KBTBD11: variants seen among roughly 807,000 people sequenced by gnomAD.
The protein encoded by KBTBD11 is kelch repeat and BTB domain-containing protein 11.
For missense variants in KBTBD11, 1,390 were observed against 1,001.8 expected (o/e 1.39, Z -5.23); for synonymous variants, 747 against 499.0 (o/e 1.50, Z -6.63).
At position 2,001,939 on chromosome 8, in the gene KBTBD11, C is replaced by T. The variant is rs200861095; in HGVS notation, c.747C>T (p.Asn249=). 2.1e-4 allele frequency: 313 copies of T among 1,471,290 alleles called. 1 individual carries two copies. Among genetic ancestry groups the T allele is most frequent in the Non-Finnish European group, 2.7e-4 (304 of 1,108,072 alleles). 91.1% of individuals were successfully genotyped at this position (1,471,290 alleles called of 1,614,324 possible). A position where few individuals can be genotyped will look rare whatever the true frequency, so the allele number is the denominator to read the frequency against. ...GCGCGGCCAAGCGGCAGCGGCTGAACGAGCTGCGCGACGCCGCCTACTGCT... is the reference window on the plus strand; with the variant it reads ...GCGCGGCCAAGCGGCAGCGGCTGAATGAGCTGCGCGACGCCGCCTACTGCT... The part of the protein sequence containing the change: ...VLSAAKRQRL[N]ELRDAAYCFM... The change falls in exon 2 of 2, where the codon AAC becomes AAT. Residue 249 remains asparagine, a synonymous_variant. Transcript: ENST00000320248.
rs143039811 is a variant in KBTBD11, at chr8:1,999,843, C to A, written c.-908-442C>A. ...GAAACACTGAAAGAAAACTTGTGAT[C>A]TGTTAATAAATTAATAAAATCACAC... On this transcript the variant is annotated intron_variant, in intron 1 of 1. Coordinates refer to ENST00000320248, the MANE Select transcript of KBTBD11 (RefSeq NM_014867.3). 6.7e-4 allele frequency among the ~76,000 whole-genome samples: 102 copies of A among 152,316 alleles called. No homozygotes were observed. In the East Asian group the frequency reaches 0.016, roughly 23 times the overall value.
chr8:1,993,914 A>G (rs1817030308), intron 1 of KBTBD11, among the ~76,000 whole-genome samples: 1 of 70,392 alleles, frequency 1.4e-5, no homozygotes, highest in Non-Finnish European at 3.4e-5. Context: ...TGAATACACA[A>G]TACCCCCTAC....
chr8:2,006,304 G>A lies in KBTBD11; in HGVS notation c.*3240G>A, dbSNP rs574561021. 1 of 167,166 alleles carries A rather than the reference G, an allele frequency of 6.0e-6. No individual in the cohort carries two copies. The highest frequency in any genetic ancestry group is 6.5e-5 in the Admixed American group (1 of 15,300). The allele number at this position is 167,166 out of a possible 1,614,324, so 10.4% of individuals were successfully genotyped here. A position where few individuals can be genotyped will look rare whatever the true frequency, so the allele number is the denominator to read the frequency against. ...CAACGTTCTTTTGTCTTTTGCTGAAGTCAGGATAGATTCAAGACATAATCT... is the reference window on the plus strand; with the variant it reads ...CAACGTTCTTTTGTCTTTTGCTGAAATCAGGATAGATTCAAGACATAATCT... On this transcript the variant is annotated 3_prime_UTR_variant, in exon 2 of 2. Coordinates refer to ENST00000320248, the MANE Select transcript of KBTBD11 (RefSeq NM_014867.3).
Position 1,981,105 on chromosome 8 carries a change from C to A in KBTBD11, c.-909+7170C>A, listed in dbSNP as rs996682013. ...TGTCAGTGAATTTCATAGCAGAAAC[C>A]TAACAGGCCAAGAGAGAGTAGGGTG... On this transcript the variant is annotated intron_variant, in intron 1 of 1. Coordinates refer to ENST00000320248, the MANE Select transcript of KBTBD11 (RefSeq NM_014867.3). Among the ~76,000 whole-genome samples the A allele has an allele frequency of 5.3e-5, 8 of 152,138 alleles. No individual in the cohort carries two copies. The South Asian group carries it at 1.5e-3, about 28-fold the overall frequency.
intron 1 of KBTBD11, chr8:1,976,620 G>T (rs1462757243): frequency 2.6e-5 from 4 of 151,772 alleles, no homozygotes; most frequent in African/African-American, 9.7e-5. Context: ...GAATACAGTT[G>T]TAAGTAAAGT....
intron 1 of KBTBD11, 154 bp downstream of exon 1, chr8:1,974,089 C>T: frequency 5.8e-6 from 1 of 171,744 alleles, no homozygotes; most frequent in Non-Finnish European, 8.5e-6. Context: ...AGGGGAGAGG[C>T]GGGGAGGGGA....
chr8:1,985,321 CAG>C (rs1364765573), intron 1 of KBTBD11, among the ~76,000 whole-genome samples: 1 of 152,270 alleles, frequency 6.6e-6, no homozygotes, highest in East Asian at 1.9e-4. Flanking sequence ...TGCTTCTCTG[CAG>C]AGAGGCAGCC....
At chr8:1,978,139 T>C (rs2129308144) in intron 1 of KBTBD11, among the ~76,000 whole-genome samples, 1 of 152,322 alleles carries the variant, frequency 6.6e-6, no homozygotes, top group Non-Finnish European at 1.5e-5. Context: ...CTCTTTATCC[T>C]GATGCTCTCC....
intron 1 of KBTBD11, among the ~76,000 whole-genome samples, chr8:1,999,945 G>C (rs1338331451): frequency 2.0e-5 from 3 of 150,764 alleles, no homozygotes; most frequent in African/African-American, 7.3e-5. Flanking sequence ...GTTAATTGTT[G>C]ATACTCGACT....
chr8:1,993,265 T>A (rs1206292071), intron 1 of KBTBD11, among the ~76,000 whole-genome samples: 1 of 152,052 alleles, frequency 6.6e-6, no homozygotes, highest in Non-Finnish European at 1.5e-5. Context: ...TTCATCTGAG[T>A]ATTTTCAGTT....
At chr8:1,991,688 G>A (rs533809858) in intron 1 of KBTBD11, among the ~76,000 whole-genome samples, 5 of 151,992 alleles carry the variant, frequency 3.3e-5, no homozygotes, top group African/African-American at 1.2e-4. Flanking sequence ...CCAGGATCCC[G>A]AGGCCTGCTT....
At chr8:1,995,980 T>C (rs1817121783) in intron 1 of KBTBD11, among the ~76,000 whole-genome samples, 1 of 152,176 alleles carries the variant, frequency 6.6e-6, no homozygotes, top group Admixed American at 6.5e-5. Flanking sequence ...GCCATGCTTG[T>C]GTGACTGTCC....
chr8:1,982,145 G>T (rs1043069588), intron 1 of KBTBD11, among the ~76,000 whole-genome samples: 5 of 152,210 alleles, frequency 3.3e-5, no homozygotes, highest in Non-Finnish European at 7.3e-5. Flanking sequence ...TAAAAGTATA[G>T]AGTTATTTTA....
chr8:1,977,444 C>T (rs562597390), intron 1 of KBTBD11, among the ~76,000 whole-genome samples: 15 of 152,172 alleles, frequency 9.9e-5, no homozygotes, highest in African/African-American at 2.9e-4. Flanking sequence ...TGCTTGGACT[C>T]CTGCAGTAGT....
rs1235226059 is a variant in KBTBD11, at chr8:2,001,740, C to G, written c.548C>G (p.Ala183Gly). Residue 183 changes from alanine (A) to glycine (G), a missense_variant, in exon 2 of 2, where the codon GCG becomes GGG. Transcript: ENST00000320248. ...VLRVQGVSLT[A>G]LRLLLADAYS... ...CGGGTGCAGGGAGTGAGCCTGACGG[C>G]GCTGCGGCTGCTCCTCGCCGACGCC... 3 of 1,340,770 alleles carry G rather than the reference C, an allele frequency of 2.2e-6. No homozygotes were observed. In the South Asian group the frequency reaches 5.5e-5, roughly 24 times the overall value. 83.1% of individuals were successfully genotyped at this position (1,340,770 alleles called of 1,614,324 possible). A position where few individuals can be genotyped will look rare whatever the true frequency, so the allele number is the denominator to read the frequency against.
In KBTBD11 at chr8:2,001,577, G is replaced by C; in HGVS notation, c.385G>C (p.Val129Leu). 1 of 1,448,524 alleles carries C rather than the reference G, an allele frequency of 6.9e-7. No individual in the cohort carries two copies. The highest frequency in any genetic ancestry group is 9.0e-7 in the Non-Finnish European group (1 of 1,106,418). The allele number at this position is 1,448,524 out of a possible 1,614,324, so 89.7% of individuals were successfully genotyped here. The change falls in exon 2 of 2, where the codon GTA becomes CTA. Residue 129 changes from valine (V) to leucine (L), a missense_variant. Val to Leu is a conservative substitution (Grantham distance 32). Coordinates refer to ENST00000320248, the MANE Select transcript of KBTBD11 (RefSeq NM_014867.3). The part of the protein sequence containing the change: ...SPEEPGEPAP[V>L]PPGFGAVYGE... ...CGAGGAGCCCGGGGAGCCCGCGCCC[G>C]TACCCCCGGGGTTCGGGGCGGTGTA...
chr8:2,001,134 G>T lies in KBTBD11; in HGVS notation c.-59G>T. The stretch of plus-strand genomic sequence containing the variant: ...AACCCCGGAGTAAGGCTCGACCTTG[G>T]CCAGACCTGCAGGCTGCGGAACCGG... On this transcript the variant is annotated 5_prime_UTR_variant, in exon 2 of 2. Coordinates refer to ENST00000320248, the MANE Select transcript of KBTBD11 (RefSeq NM_014867.3). The T allele has an allele frequency of 7.8e-7, 1 of 1,285,268 alleles. No individual in the cohort carries two copies. Among genetic ancestry groups the T allele is most frequent in the Non-Finnish European group, 9.8e-7 (1 of 1,016,938 alleles). The allele number at this position is 1,285,268 out of a possible 1,614,324, so 79.6% of individuals were successfully genotyped here.
rs150701714 is a variant in KBTBD11 at position 1,992,908 on chromosome 8, T to C, written c.-908-7377T>C. On this transcript the variant is annotated intron_variant, in intron 1 of 1. Transcript: ENST00000320248. ...GGATAATATCTTAATCTGCCATTCTTTGTGTAGTTTAAAAACTTGCTTTTA... is the reference window on the plus strand; with the variant it reads ...GGATAATATCTTAATCTGCCATTCTCTGTGTAGTTTAAAAACTTGCTTTTA... 2.5e-4 allele frequency among the ~76,000 whole-genome samples: 38 copies of C among 152,158 alleles called. 2 individuals carry two copies. The highest frequency in any genetic ancestry group is 8.2e-4 in the African/African-American group (34 of 41,444).
chr8:1,997,008 G>A (rs960987373), intron 1 of KBTBD11, among the ~76,000 whole-genome samples: 15 of 151,848 alleles, frequency 9.9e-5, no homozygotes, highest in Admixed American at 2.6e-4. Context: ...TGTCTCCCCC[G>A]CGCGCCCCCC....
Sources: gnomAD v4.1 joint callset for allele counts (sites outside exome capture counted in the v4.1 genomes callset) on GRCh38, gnomAD v4.1.1 for gene constraint, MANE v1.5 for transcripts, NCBI Gene and HGNC (gene_info 2026-07-23, HGNC 2026-07-21) for gene names.